The following SOCS5 variants were observed in gnomAD, a reference collection of about 807,000 sequenced individuals.
SOCS5 encodes the protein suppressor of cytokine signaling 5.
In SOCS5, 32 loss-of-function variants were observed where a neutral mutation model predicts 42.8. The ratio of observed to expected loss-of-function variants is 0.75; its 90% CI spans 0.56 to 1.01. SOCS5 has a LOEUF of 1.01. Among genes scored for constraint, SOCS5 ranks in the 50% least tolerant of loss-of-function variants. The pLI is 0.00. For synonymous variants in SOCS5, 283 were observed against 229.6 expected, an observed-to-expected ratio of 1.23 and a Z score of -2.10; for missense variants, 627 against 653.0, an observed-to-expected ratio of 0.96 and a Z score of 0.43.
intron 1 of SOCS5, among the ~76,000 whole-genome samples, chr2:46,723,012 C>T (rs1278911175): frequency 2.0e-5 from 3 of 151,906 alleles, no homozygotes; most frequent in African/African-American, 7.3e-5. Flanking sequence ...TATATGCTTT[C>T]TTAATGTTGA....
chr2:46,706,314 G>A lies in SOCS5; in HGVS notation c.-13+6865G>A, dbSNP rs146661390. ...TGGTAGAGTTGGGACTAATGTGCTA[G>A]TCTTTTGATTGTTAATCCTAGACAT... On this transcript the variant is annotated intron_variant, in intron 1 of 1. Transcript: ENST00000394861. Among the ~76,000 whole-genome samples the A allele has an allele frequency of 2.7e-4, 41 of 152,318 alleles. 1 individual carries two copies. In the East Asian group the frequency reaches 7.7e-3, roughly 29 times the overall value.
At chr2:46,732,962 T>C (rs13391877) in intron 1 of SOCS5, among the ~76,000 whole-genome samples, 1 of 152,102 alleles carries the variant, frequency 6.6e-6, no homozygotes. Context: ...ATTCTTACAA[T>C]GTTTAAAAAT....
chr2:46,734,902 C>T (rs1419192251), intron 1 of SOCS5, among the ~76,000 whole-genome samples: 1 of 152,198 alleles, frequency 6.6e-6, no homozygotes, highest in African/African-American at 2.4e-5. Context: ...TTGACATCAT[C>T]CGCCCCATAC....
intron 1 of SOCS5, among the ~76,000 whole-genome samples, chr2:46,712,401 T>TG (rs1672644866): frequency 7.4e-6 from 1 of 134,890 alleles, no homozygotes; most frequent in African/African-American, 2.9e-5. Context: ...TGGAGTGCAG[T>TG]GGCGCTATCT....
At chr2:46,732,310 GGATGCCTTTACAGGGAAGAT>G (rs1410584793) in intron 1 of SOCS5, among the ~76,000 whole-genome samples, 4 of 152,266 alleles carry the variant, frequency 2.6e-5, no homozygotes, top group South Asian at 2.1e-4. Flanking sequence ...GAGGAGTCTT[GGATGCCTTTACAGGGAAGAT>G]GATGAGTGAA....
chr2:46,761,181 T>C lies in SOCS5; in HGVS notation c.*1040T>C, dbSNP rs994312465. On this transcript the variant is annotated 3_prime_UTR_variant, in exon 2 of 2. Transcript: ENST00000394861. ...CTTAATGGAAAATCTGAAACCTAAA[T>C]TGCAGATTTAAAAGGTACTGTACAA... 2 of 167,132 alleles carry C rather than the reference T, an allele frequency of 1.2e-5. No individual in the cohort carries two copies. Among genetic ancestry groups the C allele is most frequent in the African/African-American group, 4.8e-5 (2 of 41,472 alleles). The allele number at this position is 167,132 out of a possible 1,614,324, so 10.4% of individuals were successfully genotyped here. A position where few individuals can be genotyped will look rare whatever the true frequency, so the allele number is the denominator to read the frequency against.
intron 1 of SOCS5, among the ~76,000 whole-genome samples, chr2:46,735,095 A>T (rs1359324861): frequency 6.6e-6 from 1 of 152,206 alleles, no homozygotes; most frequent in Non-Finnish European, 1.5e-5. Flanking sequence ...AGTTAGGATT[A>T]GTTGGGTACG....
chr2:46,753,880 C>G (rs554138870), intron 1 of SOCS5, among the ~76,000 whole-genome samples: 2 of 152,234 alleles, frequency 1.3e-5, no homozygotes, highest in South Asian at 2.1e-4. Context: ...TTTTAACATC[C>G]TAATGCATTA....
chr2:46,725,628 T>TA (rs1672973931), intron 1 of SOCS5, among the ~76,000 whole-genome samples: 1 of 152,206 alleles, frequency 6.6e-6, no homozygotes, highest in African/African-American at 2.4e-5. Flanking sequence ...ATCAGACAAT[T>TA]ACATAGTTTC....
At chr2:46,758,433 C>T (rs1463108349) in intron 1 of SOCS5, 86 bp from the exon 2 acceptor site, 8 of 847,722 alleles carry the variant, frequency 9.4e-6, no homozygotes, top group Admixed American at 2.8e-5. Context: ...AAATTCTGGA[C>T]GGGAAGGGGT....
At chr2:46,747,843 T>C (rs932960540) in intron 1 of SOCS5, among the ~76,000 whole-genome samples, 3 of 152,164 alleles carry the variant, frequency 2.0e-5, no homozygotes, top group African/African-American at 7.2e-5. Context: ...ATTGTCCACA[T>C]GTGGTACTCA....
chr2:46,726,738 A>AATTATTATT lies in SOCS5; in HGVS notation c.-13+27314_-13+27322dup, dbSNP rs111456718. Among the ~76,000 whole-genome samples, 1,168 of 145,458 alleles carry AATTATTATT rather than the reference A, an allele frequency of 8.0e-3. 20 individuals carry two copies. Among genetic ancestry groups the AATTATTATT allele is most frequent in the African/African-American group, 0.028 (1,106 of 39,564 alleles). ...TCAGTTACAGTATTTTTCAGTTCTA[A>AATTATTATT]ATTATTATTATTATTATTATTATTA... On this transcript the variant is annotated intron_variant, in intron 1 of 1. Coordinates refer to ENST00000394861, the MANE Select transcript of SOCS5 (RefSeq NM_144949.3).
Position 46,760,057 on chromosome 2 carries a change from GT to G in SOCS5, c.1529del (p.Leu510TyrfsTer5). 6.2e-7 allele frequency: 1 copy of G among 1,613,950 alleles called. No individual in the cohort carries two copies. Among genetic ancestry groups the G allele is most frequent in the Non-Finnish European group, 8.5e-7 (1 of 1,179,860 alleles). ...GIDGLPLPSMLQDFLKEYHYK... is the reference protein window; with the variant it reads ...GIDGLPLPSMXQDFLKEYHYK... ...TTGATGGGCTCCCTCTACCCTCAAT[GT>G]TACAGGATTTTTTAAAAGAGTATCA... On this transcript the variant is annotated frameshift_variant, in exon 2 of 2. Coordinates refer to ENST00000394861, the MANE Select transcript of SOCS5 (RefSeq NM_144949.3). LOFTEE classifies it high-confidence loss of function.
At chr2:46,704,004 A>C (rs555280779) in intron 1 of SOCS5, among the ~76,000 whole-genome samples, 3 of 152,192 alleles carry the variant, frequency 2.0e-5, no homozygotes, top group African/African-American at 7.2e-5. Context: ...AATTGTAGGG[A>C]ATGATTTCAG....
In SOCS5 at chr2:46,760,214, C is replaced by T; in HGVS notation, c.*73C>T. The T allele has an allele frequency of 1.8e-6, 2 of 1,106,402 alleles. No individual in the cohort carries two copies. The highest frequency in any genetic ancestry group is 2.6e-6 in the Non-Finnish European group (2 of 755,348). The allele number at this position is 1,106,402 out of a possible 1,614,324, so 68.5% of individuals were successfully genotyped here. A position where few individuals can be genotyped will look rare whatever the true frequency, so the allele number is the denominator to read the frequency against. ...TCAGACAGTACACCTATAGCAAGCA[C>T]ACGTAGCAGTGTTAGGCTTTTTCAT... On this transcript the variant is annotated 3_prime_UTR_variant, in exon 2 of 2. Transcript: ENST00000394861.
At chr2:46,748,601 A>G (rs1404586168) in intron 1 of SOCS5, among the ~76,000 whole-genome samples, 1 of 151,894 alleles carries the variant, frequency 6.6e-6, no homozygotes, top group Non-Finnish European at 1.5e-5. Flanking sequence ...TTGTCAAATT[A>G]TTTTCCATTA....
rs1294476407 is a variant in SOCS5, at chr2:46,761,257, G to C, written c.*1116G>C. On this transcript the variant is annotated 3_prime_UTR_variant, in exon 2 of 2. Transcript: ENST00000394861. ...ACCTTTTTGTCACTTAGAATAATAT[G>C]TACTACTACTTGAGTGAGCGCTTTT... 3 of 167,034 alleles carry C rather than the reference G, an allele frequency of 1.8e-5. No individual in the cohort carries two copies. The highest frequency in any genetic ancestry group is 4.4e-5 in the Non-Finnish European group (3 of 68,110). 10.3% of individuals were successfully genotyped at this position (167,034 alleles called of 1,614,324 possible). A position where few individuals can be genotyped will look rare whatever the true frequency, so the allele number is the denominator to read the frequency against.
In SOCS5 at chr2:46,759,913, T is replaced by C; in HGVS notation, c.1383T>C (p.Asp461=). ...TVTGLLEHYK[D]PSSCMFFEPL... ...CGGGACTTTTAGAACATTATAAAGA[T>C]CCCAGTTCGTGCATGTTTTTTGAAC... is the stretch of plus-strand genomic sequence containing the variant. Residue 461 remains aspartate (D), a synonymous_variant, in exon 2 of 2, where the codon GAT becomes GAC. Transcript: ENST00000394861. The C allele has an allele frequency of 1.2e-6, 2 of 1,614,158 alleles. No homozygotes were observed. The highest frequency in any genetic ancestry group is 1.7e-6 in the Non-Finnish European group (2 of 1,180,014).
chr2:46,732,772 A>G (rs958969879), intron 1 of SOCS5, among the ~76,000 whole-genome samples: 1 of 152,200 alleles, frequency 6.6e-6, no homozygotes, highest in Non-Finnish European at 1.5e-5. Context: ...TGAGAATATT[A>G]TAAAAGCTAT....
Sources: gnomAD v4.1 joint callset for allele counts (sites outside exome capture counted in the v4.1 genomes callset) on GRCh38, gnomAD v4.1.1 for gene constraint, MANE v1.5 for transcripts, NCBI Gene and HGNC (gene_info 2026-07-23, HGNC 2026-07-21) for gene names.